Variants in MPDZ observed in about 807,000 individuals in gnomAD.
MPDZ encodes multiple PDZ domain crumbs cell polarity complex component.
In MPDZ, 234 loss-of-function variants were observed where a neutral mutation model predicts 239.1. That is an observed-to-expected ratio of 0.98 (90% CI 0.88 to 1.09). MPDZ has a LOEUF of 1.09. MPDZ is among the 50% of genes least tolerant of loss of function. MPDZ has a pLI of 0.00. For synonymous variants in MPDZ, 1,048 were observed against 881.3 expected (o/e 1.19, Z -3.35); for missense variants, 3,175 against 2,510.0 (o/e 1.26, Z -5.66).
Position 13,193,333 on chromosome 9 carries a change from G to T in MPDZ, c.1657-20C>A. The T allele has an allele frequency of 6.5e-7, 1 of 1,538,756 alleles. No individual in the cohort carries two copies. Among genetic ancestry groups the T allele is most frequent in the Non-Finnish European group, 8.8e-7 (1 of 1,140,678 alleles). ...GGCCACCTGAAAAGAAAAAAAAAAA[G>T]ATCACCACAATTTTTATATTCTTTT... is the stretch of plus-strand genomic sequence containing the variant. On this transcript the variant is annotated intron_variant, in intron 13 of 46. Coordinates refer to ENST00000319217, the MANE Select transcript of MPDZ (RefSeq NM_001378778.1).
intron 18 of MPDZ, among the ~76,000 whole-genome samples, chr9:13,184,496 C>CA (rs933071084): frequency 5.3e-5 from 8 of 151,676 alleles, no homozygotes; most frequent in Non-Finnish European, 8.8e-5. Context: ...CACATTCTTA[C>CA]AAAAAACTAT....
intron 12 of MPDZ, among the ~76,000 whole-genome samples, chr9:13,198,040 A>G (rs1158733497): frequency 2.6e-5 from 4 of 152,136 alleles, no homozygotes; most frequent in Non-Finnish European, 1.5e-5. Context: ...CATAGTGAAC[A>G]GAACAGCAAT....
intron 24 of MPDZ, among the ~76,000 whole-genome samples, chr9:13,157,751 G>A (rs577887092): frequency 3.4e-4 from 52 of 151,990 alleles, no homozygotes; most frequent in Non-Finnish European, 6.8e-4. Context: ...TCTACAGAAC[G>A]TATTATCCAT....
chr9:13,152,920 G>A (rs1949371820), intron 24 of MPDZ, among the ~76,000 whole-genome samples: 1 of 152,096 alleles, frequency 6.6e-6, no homozygotes, highest in Non-Finnish European at 1.5e-5. Flanking sequence ...TTTGCAGTGA[G>A]GTCTTTGGCC....
intron 12 of MPDZ, among the ~76,000 whole-genome samples, chr9:13,199,105 T>C (rs765700957): frequency 6.6e-6 from 1 of 152,028 alleles, no homozygotes; most frequent in African/African-American, 2.4e-5. Context: ...TTTGGTAGTA[T>C]TGATATTTTA....
intron 21 of MPDZ, among the ~76,000 whole-genome samples, chr9:13,172,159 C>G (rs1044291919): frequency 3.9e-5 from 6 of 152,080 alleles, no homozygotes; most frequent in African/African-American, 1.4e-4. Context: ...ATGTTGTTGC[C>G]TTGGCATGCA....
At chr9:13,148,750 C>T (rs1948761913) in intron 25 of MPDZ, among the ~76,000 whole-genome samples, 2 of 152,026 alleles carry the variant, frequency 1.3e-5, no homozygotes, top group East Asian at 1.9e-4. Flanking sequence ...AGTCTATATA[C>T]ATTTTGAGAA....
intron 24 of MPDZ, among the ~76,000 whole-genome samples, chr9:13,156,806 G>T (rs1297816741): frequency 6.6e-6 from 1 of 152,122 alleles, no homozygotes; most frequent in Non-Finnish European, 1.5e-5. Flanking sequence ...CTACAAAACA[G>T]TTTCATTTAA....
At chr9:13,193,129 C>G (rs757655323) in intron 14 of MPDZ, 38 bp downstream of exon 14, 1 of 1,428,180 alleles carries the variant, frequency 7.0e-7, no homozygotes, top group South Asian at 1.8e-5. Context: ...TTTTCCATGT[C>G]TTATTTAAGG....
rs183463792 is a variant in MPDZ, at chr9:13,191,322, A to G, written c.1968+809T>C. On this transcript the variant is annotated intron_variant, in intron 15 of 46. Coordinates refer to ENST00000319217, the MANE Select transcript of MPDZ (RefSeq NM_001378778.1). Reference sequence around the variant, plus strand: ...ATTCCATTGTACTGATTCATTCAATATACTATAAATCAAATCCTAACATCA... The same window carrying G: ...ATTCCATTGTACTGATTCATTCAATGTACTATAAATCAAATCCTAACATCA... 3.6e-3 allele frequency among the ~76,000 whole-genome samples: 554 copies of G among 152,284 alleles called. 2 individuals are homozygous for G. The highest frequency in any genetic ancestry group is 0.012 in the African/African-American group (512 of 41,572).
chr9:13,210,045 T>C (rs935029532), intron 10 of MPDZ, among the ~76,000 whole-genome samples: 5 of 138,834 alleles, frequency 3.6e-5, no homozygotes, highest in Admixed American at 2.9e-4. Flanking sequence ...AAAAGGCACA[T>C]GAAAAAACAG....
At chr9:13,207,000 T>A (rs951184158) in intron 10 of MPDZ, among the ~76,000 whole-genome samples, 28 of 152,226 alleles carry the variant, frequency 1.8e-4, no homozygotes, top group Admixed American at 1.2e-3. Flanking sequence ...CTAAATATGC[T>A]TTTATATTCC....
Position 13,136,712 on chromosome 9 carries a change from C to T in MPDZ, c.4292G>A (p.Arg1431Lys). ...TAAACTAGCAAAAGAAAATGATCACCTGATAAAAATTATTTTCACTTTAGA... is the reference window on the plus strand; with the variant it reads ...TAAACTAGCAAAAGAAAATGATCACTTGATAAAAATTATTTTCACTTTAGA... The part of the protein sequence containing the change: ...APSKVKIIFI[R>K]NKDAVNQMAV... The change falls in exon 30 of 47, where the codon AGA becomes AAA. Residue 1431 changes from arginine (R) to lysine (K), a missense_variant and splice_region_variant. Arg to Lys is a conservative substitution (Grantham distance 26, BLOSUM62 2). Transcript: ENST00000319217. 6.5e-7 allele frequency: 1 copy of T among 1,548,742 alleles called. No homozygotes were observed. Among genetic ancestry groups the T allele is most frequent in the Non-Finnish European group, 8.8e-7 (1 of 1,131,034 alleles).
chr9:13,191,871 CT>C (rs35894218), intron 15 of MPDZ, among the ~76,000 whole-genome samples: 1 of 152,014 alleles, frequency 6.6e-6, no homozygotes, highest in Non-Finnish European at 1.5e-5. Context: ...TTCAGGGCAA[CT>C]TTTTGAGACA....
chr9:13,216,819 G>T lies in MPDZ; in HGVS notation c.1245C>A (p.Ala415=). 1 of 1,610,064 alleles carries T rather than the reference G, an allele frequency of 6.2e-7. No individual in the cohort carries two copies. The highest frequency in any genetic ancestry group is 2.2e-5 in the East Asian group (1 of 44,618). ...IFVKSITKSS[A]VEHDGRIQIG... is the part of the protein sequence containing the mutation. ...TTTGGATTCTTCCATCATGCTCAAC[G>T]GCACTGCTTTTTGTAATGCTCTTTA... The change falls in exon 10 of 47, where the codon GCC becomes GCA. Residue 415 remains alanine, a synonymous_variant. Coordinates refer to ENST00000319217, the MANE Select transcript of MPDZ (RefSeq NM_001378778.1).
chr9:13,206,425 A>G (rs1327339473), intron 10 of MPDZ, among the ~76,000 whole-genome samples: 1 of 151,554 alleles, frequency 6.6e-6, no homozygotes, highest in African/African-American at 2.4e-5. Flanking sequence ...GTCTCACTCT[A>G]TTGCCCAGCC....
chr9:13,214,378 T>C (rs75997815), intron 10 of MPDZ, among the ~76,000 whole-genome samples: 4,621 of 151,938 alleles, frequency 0.03, 162 homozygotes, highest in East Asian at 0.18. Context: ...GGCAAATCCA[T>C]AGAGACAGAA....
intron 34 of MPDZ, 118 bp from the exon 35 acceptor site, chr9:13,125,508 T>A: frequency 1.1e-6 from 1 of 875,438 alleles, no homozygotes; most frequent in Non-Finnish European, 1.7e-6. Flanking sequence ...GAGGGACAGA[T>A]GCAAATTATT....
rs189158837 is a variant in MPDZ, at chr9:13,246,152, C to G, written c.183+1483G>C. Among the ~76,000 whole-genome samples, 22 of 152,236 alleles carry G rather than the reference C, an allele frequency of 1.4e-4. No individual in the cohort carries two copies. The East Asian group carries it at 3.5e-3, about 24-fold the overall frequency. On this transcript the variant is annotated intron_variant, in intron 3 of 46. Transcript: ENST00000319217. Reference sequence around the variant, plus strand: ...TACCAATCCATTCTGAAAACCAGTACTGAAAATCAATCTTGCCAGGCGCGA... The same window carrying G: ...TACCAATCCATTCTGAAAACCAGTAGTGAAAATCAATCTTGCCAGGCGCGA...
Sources: allele counts gnomAD v4.1 joint callset (sites outside exome capture counted in the v4.1 genomes callset), GRCh38; gene constraint gnomAD v4.1.1; transcripts MANE v1.5; gene names NCBI Gene and HGNC (gene_info 2026-07-23, HGNC 2026-07-21).